Variants in THOC3 observed in about 807,000 individuals in gnomAD.
THOC3 encodes TEX1 homolog.
In THOC3, 4 loss-of-function variants were observed where a neutral mutation model predicts 23.3. That is an observed-to-expected ratio of 0.17 (90% CI 0.08 to 0.39). The LOEUF (loss-of-function observed/expected upper bound fraction) is 0.39. Ranked by LOEUF, THOC3 falls within the 10% of genes least tolerant of loss-of-function variation. THOC3 has a pLI of 1.00. For missense variants in THOC3, 64 were observed against 359.4 expected (o/e 0.18, Z 6.65); for synonymous variants, 27 against 141.5 (o/e 0.19, Z 5.74).
intron 3 of THOC3, among the ~76,000 whole-genome samples, chr5:175,964,504 C>A (rs1756728141): frequency 6.6e-6 from 1 of 152,136 alleles, no homozygotes; most frequent in Non-Finnish European, 1.5e-5. Context: ...CTAATCCCAG[C>A]TACTTGGGAG....
At chr5:175,966,464 T>C (rs901826968) in intron 2 of THOC3, among the ~76,000 whole-genome samples, 14 of 151,660 alleles carry the variant, frequency 9.2e-5, no homozygotes, top group African/African-American at 3.4e-4. Context: ...CTAAAACGCA[T>C]ATTTTCTCAC....
intron 2 of THOC3, among the ~76,000 whole-genome samples, chr5:175,966,812 AG>A (rs1756774068): frequency 6.6e-6 from 1 of 150,830 alleles, no homozygotes; most frequent in South Asian, 2.1e-4. Context: ...CTACCCTAAA[AG>A]TTTGCTCAAA....
rs1756630969 is a variant in THOC3, at chr5:175,959,953, TC to T, written c.*15del. The stretch of plus-strand genomic sequence containing the variant: ...GGAAGACCTCTGCCGGGGCCTCCTC[TC>T]CCTACAACCTCCTCTCAAGAATCAT... On this transcript the variant is annotated 3_prime_UTR_variant, in exon 6 of 6. Coordinates refer to ENST00000265097, the MANE Select transcript of THOC3 (RefSeq NM_032361.4). 1 of 1,423,106 alleles carries T rather than the reference TC, an allele frequency of 7.0e-7. No homozygotes were observed. Among genetic ancestry groups the T allele is most frequent in the Admixed American group, 2.1e-5 (1 of 48,276 alleles). 88.2% of individuals were successfully genotyped at this position (1,423,106 alleles called of 1,614,324 possible). A position where few individuals can be genotyped will look rare whatever the true frequency, so the allele number is the denominator to read the frequency against.
chr5:175,963,206 G>A (rs1756699413), intron 3 of THOC3, among the ~76,000 whole-genome samples: 1 of 152,234 alleles, frequency 6.6e-6, no homozygotes, highest in Admixed American at 6.5e-5. Flanking sequence ...AATCGCAGAT[G>A]AGAAGCAGCA....
chr5:175,960,561 C>T (rs1398108879), intron 5 of THOC3: 1 of 138,762 alleles, frequency 7.2e-6, no homozygotes. Flanking sequence ...TTTCCAAAAA[C>T]AATAAAGCAA....
At chr5:175,962,421 TACACACAC>T (rs59077860) in intron 3 of THOC3, among the ~76,000 whole-genome samples, 2 of 44,192 alleles carry the variant, frequency 4.5e-5, no homozygotes, top group African/African-American at 1.5e-4. Flanking sequence ...TATATATATA[TACACACAC>T]ACACACACAC....
At position 175,965,042 on chromosome 5, in the gene THOC3, G is replaced by A; in HGVS notation, c.538C>T (p.Gln180Ter). 6.4e-7 allele frequency: 1 copy of A among 1,559,104 alleles called. No homozygotes were observed. The highest frequency in any genetic ancestry group is 8.8e-7 in the Non-Finnish European group (1 of 1,140,378). Reference protein sequence around the residue: ...AKTHRSKAEEQFKFEVNEISW... With the variant: ...AKTHRSKAEE ...ATTTCGTTGACCTCGAACTTGAACT[G>A]CTCTTCTGCTTTGGAACGGTGTGTC... Residue 180 changes from glutamine to a stop codon, truncating the protein, a stop_gained, in exon 3 of 6, where the codon CAG becomes TAG. Coordinates refer to ENST00000265097, the MANE Select transcript of THOC3 (RefSeq NM_032361.4). LOFTEE classifies it high-confidence loss of function.
At position 175,968,093 on chromosome 5, in the gene THOC3, T is replaced by C. The variant is rs1194894946; in HGVS notation, c.116A>G (p.Gln39Arg). ...CTTGCTGTGGCCCCGGAACAGCTCC[T>C]GCATCCCAAGCACGTAGCGCGACGG... ...SGPSRYVLGM[Q>R]ELFRGHSKTR... The change falls in exon 1 of 6, where the codon CAG (glutamine) becomes CGG (arginine). Residue 39 changes from glutamine to arginine, a missense_variant. Physicochemically the swap from Gln to Arg is conservative, Grantham distance 43 (BLOSUM62 1). Transcript: ENST00000265097. 3 of 1,611,086 alleles carry C rather than the reference T, an allele frequency of 1.9e-6. No individual in the cohort carries two copies. The highest frequency in any genetic ancestry group is 2.5e-6 in the Non-Finnish European group (3 of 1,179,420).
intron 1 of THOC3, chr5:175,967,573 C>CACCACCACCACCAACGT: frequency 3.4e-6 from 1 of 295,506 alleles, no homozygotes; most frequent in South Asian, 3.5e-5. Context: ...CCACCACCAC[C>CACCACCACCACCAACGT]ACCACCACCA....
At chr5:175,966,996 GCTCAGGATGT>G in intron 2 of THOC3, 105 bp downstream of exon 2, 1 of 1,079,692 alleles carries the variant, frequency 9.3e-7, no homozygotes, top group East Asian at 2.3e-5. Flanking sequence ...CTCTTATTCA[GCTCAGGATGT>G]CTCATACACA....
chr5:175,964,362 C>CT (rs1306249930), intron 3 of THOC3, among the ~76,000 whole-genome samples: 4 of 152,246 alleles, frequency 2.6e-5, no homozygotes, highest in Admixed American at 2.0e-4. Context: ...TCAGTTGAAA[C>CT]TTTAAGAGTA....
chr5:175,962,059 G>A (rs1176246004), intron 3 of THOC3, among the ~76,000 whole-genome samples: 1 of 151,858 alleles, frequency 6.6e-6, no homozygotes, highest in East Asian at 1.9e-4. Context: ...GGTATAATAT[G>A]TAACATCTGC....
At chr5:175,965,273 T>C (rs1161233052) in intron 2 of THOC3, 118 bp from the exon 3 acceptor site, 263 of 1,413,214 alleles carry the variant, frequency 1.9e-4, no homozygotes, top group Non-Finnish European at 2.3e-4. Context: ...ATTAAAGTCC[T>C]AGACAATGGA....
At position 175,967,994 on chromosome 5, in the gene THOC3, G is replaced by C. The variant is rs1413766784; in HGVS notation, c.215C>G (p.Ser72Trp). Reference protein sequence around the residue: ...AWSCDGRRLASGSFDKTASVF... With the variant: ...AWSCDGRRLAWGSFDKTASVF... ...GCTGGCCGTCTTGTCGAAGGACCCC[G>C]AGGCTAGGCGACGCCCGTCGCAACT... The change falls in exon 1 of 6, where the codon TCG becomes TGG. Residue 72 changes from serine to tryptophan, a missense_variant. Physicochemically the swap from Ser to Trp is radical, Grantham distance 177. Coordinates refer to ENST00000265097, the MANE Select transcript of THOC3 (RefSeq NM_032361.4). 3 of 1,606,562 alleles carry C rather than the reference G, an allele frequency of 1.9e-6. No homozygotes were observed. The African/African-American group carries it at 4.0e-5, about 21-fold the overall frequency.
At chr5:175,965,486 G>A (rs1259085430) in intron 2 of THOC3, among the ~76,000 whole-genome samples, 3 of 152,264 alleles carry the variant, frequency 2.0e-5, no homozygotes, top group African/African-American at 7.2e-5. Context: ...ATGAAGTGGC[G>A]CAATCTCGGC....
At chr5:175,965,340 C>A (rs1373391717) in intron 2 of THOC3, 185 bp from the exon 3 acceptor site, 1 of 854,612 alleles carries the variant, frequency 1.2e-6, no homozygotes, top group Admixed American at 2.9e-5. Context: ...TACACATTTC[C>A]CCATTTGGTC....
At chr5:175,960,334 G>T in intron 5 of THOC3, 1 of 212,786 alleles carries the variant, frequency 4.7e-6, no homozygotes, top group South Asian at 5.3e-5. Flanking sequence ...AGCACAGGTG[G>T]GTTAACTCAA....
intron 3 of THOC3, among the ~76,000 whole-genome samples, chr5:175,963,644 T>C (rs1756708474): frequency 1.3e-5 from 2 of 148,772 alleles, no homozygotes; most frequent in South Asian, 4.3e-4. Context: ...AATAAAAAGA[T>C]TTTTCTTAAA....
chr5:175,965,255 G>A, intron 2 of THOC3, 100 bp from the exon 3 acceptor site: 1 of 1,543,996 alleles, frequency 6.5e-7, no homozygotes, highest in Non-Finnish European at 8.8e-7. Flanking sequence ...TTTCTTCCGG[G>A]CTTACTCATT....
Sources: allele counts gnomAD v4.1 joint callset (sites outside exome capture counted in the v4.1 genomes callset), GRCh38; gene constraint gnomAD v4.1.1; transcripts MANE v1.5; gene names NCBI Gene and HGNC (gene_info 2026-07-23, HGNC 2026-07-21).